FAM185A: variants seen among roughly 807,000 people sequenced by gnomAD.
The protein encoded by FAM185A is family with sequence similarity 185 member A.
FAM185A carries 21 observed loss-of-function variants against 45.7 expected under a neutral mutation model. That is an observed-to-expected ratio of 0.46 (90% CI 0.33 to 0.66). The LOEUF (loss-of-function observed/expected upper bound fraction) is 0.66, where lower values mean the gene tolerates loss of function less well. Ranked by LOEUF, FAM185A falls within the 30% of genes least tolerant of loss-of-function variation. The pLI is 0.03. For synonymous variants in FAM185A, 117 were observed against 194.0 expected (o/e 0.60, Z 3.30); for missense variants, 305 against 485.4 (o/e 0.63, Z 3.49).
chr7:102,752,513 G>A (rs1793428007), intron 2 of FAM185A, among the ~76,000 whole-genome samples: 3 of 151,434 alleles, frequency 2.0e-5, no homozygotes, highest in South Asian at 2.1e-4. Flanking sequence ...CTCGTGATCC[G>A]CCTGCCTTGG....
chr7:102,822,049 T>C, the FAM185A span: 2 of 1,614,208 alleles, frequency 1.2e-6, no homozygotes, highest in Non-Finnish European at 1.7e-6. Flanking sequence ...CTTGGAAATA[T>C]TTGTGCAGTA....
At chr7:102,848,893 G>A in the FAM185A span, among the ~76,000 whole-genome samples, 1 of 151,988 alleles carries the variant, frequency 6.6e-6, no homozygotes, top group African/African-American at 2.4e-5. Context: ...CCAGCTACTC[G>A]GGAGGCTGAG....
At chr7:102,807,377 C>T (rs1797183083) in intron 7 of FAM185A, among the ~76,000 whole-genome samples, 1 of 152,078 alleles carries the variant, frequency 6.6e-6, no homozygotes, top group African/African-American at 2.4e-5. Flanking sequence ...AGTTATACTC[C>T]AGTAAAGCTC....
the FAM185A span, among the ~76,000 whole-genome samples, chr7:102,826,293 G>A: frequency 1.3e-5 from 2 of 152,072 alleles, no homozygotes; most frequent in African/African-American, 2.4e-5. Context: ...GTTAATAACA[G>A]GTGGTTTCAT....
intron 2 of FAM185A, chr7:102,755,346 A>C (rs1793643852): frequency 1.7e-6 from 1 of 578,624 alleles, no homozygotes; most frequent in Non-Finnish European, 3.1e-6. Context: ...AATGGCAGAG[A>C]TCCATACTCT....
chr7:102,785,545 T>C (rs2129441093), intron 6 of FAM185A, among the ~76,000 whole-genome samples: 1 of 152,252 alleles, frequency 6.6e-6, no homozygotes, highest in Admixed American at 6.5e-5. Flanking sequence ...AACCATCTGA[T>C]CTTTGACAAA....
At chr7:102,787,225 A>T in intron 6 of FAM185A, 110 bp from the exon 7 acceptor site, 1 of 919,430 alleles carries the variant, frequency 1.1e-6, no homozygotes. Context: ...TATGCTGAGG[A>T]GTAAAAACAG....
At position 102,751,800 on chromosome 7, in the gene FAM185A, A is replaced by T. The variant is rs1793379881; in HGVS notation, c.560A>T (p.Lys187Met). 2 of 1,522,962 alleles carry T rather than the reference A, an allele frequency of 1.3e-6. No homozygotes were observed. The highest frequency in any genetic ancestry group is 2.5e-5 in the South Asian group (2 of 78,910). The allele number at this position is 1,522,962 out of a possible 1,614,324, so 94.3% of individuals were successfully genotyped here. A position where few individuals can be genotyped will look rare whatever the true frequency, so the allele number is the denominator to read the frequency against. The change falls in exon 2 of 8, where the codon AAG (lysine) becomes ATG (methionine). Residue 187 changes from lysine (K) to methionine (M), a missense_variant and splice_region_variant. Lys to Met is a moderately conservative substitution (Grantham distance 95). Coordinates refer to ENST00000413034, the MANE Select transcript of FAM185A (RefSeq NM_001145268.2). ...GGGACTAGTATCTTGCAGTCTGTTA[A>T]GGTATAGCATTTTTCTAATTTTATT... is the stretch of plus-strand genomic sequence containing the variant. Reference protein sequence around the residue: ...EHGTSILQSVKGQKLHVQTKG... With the variant: ...EHGTSILQSVMGQKLHVQTKG...
intron 5 of FAM185A, among the ~76,000 whole-genome samples, chr7:102,773,610 T>C (rs1794883290): frequency 6.6e-6 from 1 of 152,162 alleles, no homozygotes; most frequent in Non-Finnish European, 1.5e-5. Context: ...GTAGGTTCTA[T>C]GTTTAACTTT....
chr7:102,761,320 C>T lies in FAM185A; in HGVS notation c.702C>T (p.Thr234=), dbSNP rs945662058. 16 of 1,546,376 alleles carry T rather than the reference C, an allele frequency of 1.0e-5. No homozygotes were observed. The highest frequency in any genetic ancestry group is 5.0e-5 in the East Asian group (2 of 40,384). ...AGGGAAGTTCTGTTACTGTATCTAC[C>T]GAAGATGGTTTGCTGAAAGCCAAGT... ...KLQGSSVTVS[T]EDGLLKAKYL... is the part of the protein sequence containing the mutation. Residue 234 remains threonine (T), a synonymous_variant, in exon 4 of 8, where the codon ACC becomes ACT. Coordinates refer to ENST00000413034, the MANE Select transcript of FAM185A (RefSeq NM_001145268.2).
At chr7:102,826,123 G>A in the FAM185A span, among the ~76,000 whole-genome samples, 2 of 151,930 alleles carry the variant, frequency 1.3e-5, no homozygotes, top group African/African-American at 4.8e-5. Context: ...TTATACTTTT[G>A]TTTCTTCTCC....
intron 6 of FAM185A, among the ~76,000 whole-genome samples, chr7:102,778,673 A>G (rs552872680): frequency 2.8e-4 from 43 of 152,278 alleles, no homozygotes; most frequent in Admixed American, 1.2e-3. Context: ...TGATGTTGCA[A>G]AATTTGATTA....
the FAM185A span, among the ~76,000 whole-genome samples, chr7:102,850,367 T>A: frequency 6.6e-6 from 1 of 152,142 alleles, no homozygotes; most frequent in Non-Finnish European, 1.5e-5. Context: ...TAATCAATAA[T>A]GTACATTAAG....
chr7:102,786,365 T>C (rs1161669133), intron 6 of FAM185A, among the ~76,000 whole-genome samples: 2 of 152,188 alleles, frequency 1.3e-5, no homozygotes, highest in African/African-American at 4.8e-5. Context: ...CATGCTGCTA[T>C]AAAGACATGC....
intron 4 of FAM185A, among the ~76,000 whole-genome samples, chr7:102,769,066 T>C (rs1184134861): frequency 6.6e-6 from 1 of 152,178 alleles, no homozygotes; most frequent in Admixed American, 6.5e-5. Context: ...AATATTTCTG[T>C]TTAAGGTAGA....
chr7:102,776,712 A>G (rs1299630334), intron 5 of FAM185A, among the ~76,000 whole-genome samples: 1 of 151,336 alleles, frequency 6.6e-6, no homozygotes, highest in East Asian at 1.9e-4. Flanking sequence ...TAAAAAAAAA[A>G]AAAAAAAGAA....
chr7:102,807,932 G>T (rs186382889), intron 7 of FAM185A, among the ~76,000 whole-genome samples: 257 of 152,244 alleles, frequency 1.7e-3, no homozygotes, highest in African/African-American at 6.0e-3. Flanking sequence ...ATGGTGGCGC[G>T]TGCCTGTAGT....
the FAM185A span, among the ~76,000 whole-genome samples, chr7:102,837,223 A>T: frequency 6.6e-6 from 1 of 152,156 alleles, no homozygotes; most frequent in African/African-American, 2.4e-5. Context: ...CACCACAACT[A>T]AACTCTGCAG....
the FAM185A span, among the ~76,000 whole-genome samples, chr7:102,815,533 G>A: frequency 6.6e-6 from 1 of 152,086 alleles, no homozygotes. Context: ...CCAAACACCA[G>A]AGTTCTGGAC....
Sources: gnomAD v4.1 joint callset for allele counts (sites outside exome capture counted in the v4.1 genomes callset) on GRCh38, gnomAD v4.1.1 for gene constraint, MANE v1.5 for transcripts, NCBI Gene and HGNC (gene_info 2026-07-23, HGNC 2026-07-21) for gene names.